Variants in STX3 observed in about 807,000 individuals in gnomAD.
STX3 encodes the protein syntaxin-3.
A neutral mutation model predicts 40.2 loss-of-function variants in STX3; 19 were observed. The ratio of observed to expected loss-of-function variants is 0.47; its 90% confidence interval spans 0.33 to 0.69. The LOEUF is 0.69. Ranked by LOEUF, STX3 falls within the 30% of genes least tolerant of loss-of-function variation. STX3 has a pLI of 0.02. For missense variants in STX3, 364 were observed against 366.7 expected, an observed-to-expected ratio of 0.99 and a Z score of 0.06; for synonymous variants, 122 against 132.2, an observed-to-expected ratio of 0.92 and a Z score of 0.53.
intron 5 of STX3, among the ~76,000 whole-genome samples, chr11:59,790,932 G>A (rs1409922348): frequency 3.3e-5 from 5 of 152,122 alleles, no homozygotes; most frequent in Admixed American, 6.5e-5. Flanking sequence ...GCACTTTAGG[G>A]GTCATCAAAG....
chr11:59,781,356 A>C lies in STX3; in HGVS notation c.115-5681A>C, dbSNP rs552271640. ...GATCCGAGTACAGGTGACATTGTTC[A>C]TGACACACTCCACCACTAATTTCCC... On this transcript the variant is annotated intron_variant, in intron 2 of 10. Transcript: ENST00000337979. 1,291 of 1,593,510 alleles carry C rather than the reference A, an allele frequency of 8.1e-4. 1 individual carries two copies. Among genetic ancestry groups the C allele is most frequent in the Middle Eastern group, 4.8e-3 (25 of 5,206 alleles).
At chr11:59,767,768 TA>T (rs1863349107) in intron 1 of STX3, among the ~76,000 whole-genome samples, 1 of 152,232 alleles carries the variant, frequency 6.6e-6, no homozygotes, top group Non-Finnish European at 1.5e-5. Flanking sequence ...TCTGTGTCAG[TA>T]ACTCATTATT....
Position 59,793,390 on chromosome 11 carries a change from C to T in STX3, c.551C>T (p.Ser184Leu), listed in dbSNP as rs1460257335. ...PAIFTSGIID[S>L]QISKQALSEI... is the part of the protein sequence containing the mutation. ...TGTGGCCTGTTGTAGATCATTGACT[C>T]ACAGATTTCCAAGCAAGCCCTCAGT... The change falls in exon 8 of 11, where the codon TCA becomes TTA. Residue 184 changes from serine (S) to leucine (L), a missense_variant. Transcript: ENST00000337979. 10 of 1,613,724 alleles carry T rather than the reference C, an allele frequency of 6.2e-6. No individual in the cohort carries two copies. Among genetic ancestry groups the T allele is most frequent in the African/African-American group, 1.3e-5 (1 of 74,898 alleles).
At chr11:59,757,780 A>G (rs964317456) in intron 1 of STX3, among the ~76,000 whole-genome samples, 1 of 152,178 alleles carries the variant, frequency 6.6e-6, no homozygotes, top group Non-Finnish European at 1.5e-5. Flanking sequence ...CCTTTATACA[A>G]CAAAGAATTG....
At chr11:59,763,461 A>G (rs1863138117) in intron 1 of STX3, among the ~76,000 whole-genome samples, 1 of 152,198 alleles carries the variant, frequency 6.6e-6, no homozygotes, top group South Asian at 2.1e-4. Context: ...TTGGACTTCA[A>G]TGATTTTTGT....
chr11:59,760,358 C>A (rs72931236), intron 1 of STX3, among the ~76,000 whole-genome samples: 4 of 151,474 alleles, frequency 2.6e-5, no homozygotes, highest in Non-Finnish European at 2.9e-5. Flanking sequence ...AGAATACTCT[C>A]CTCCATTCTT....
chr11:59,801,474 C>T lies in STX3; in HGVS notation c.*650C>T. ...CTTTGATTTTTCTCTGTGTTGTAGT[C>T]TCTCATATTTACTCAAGGAGGGACC... On this transcript the variant is annotated 3_prime_UTR_variant, in exon 11 of 11. Coordinates refer to ENST00000337979, the MANE Select transcript of STX3 (RefSeq NM_004177.5). 4 of 986,092 alleles carry T rather than the reference C, an allele frequency of 4.1e-6. No individual in the cohort carries two copies. Among genetic ancestry groups the T allele is most frequent in the Non-Finnish European group, 4.8e-6 (4 of 830,392 alleles). 61.1% of individuals were successfully genotyped at this position (986,092 alleles called of 1,614,324 possible). A position where few individuals can be genotyped will look rare whatever the true frequency, so the allele number is the denominator to read the frequency against.
chr11:59,771,541 A>G (rs947019160), intron 1 of STX3, among the ~76,000 whole-genome samples: 1 of 152,036 alleles, frequency 6.6e-6, no homozygotes, highest in Non-Finnish European at 1.5e-5. Flanking sequence ...TAACTTTTGC[A>G]TGCGGGAGCC....
At chr11:59,769,850 GTATGTA>G (rs1220254769) in intron 1 of STX3, among the ~76,000 whole-genome samples, 5 of 148,592 alleles carry the variant, frequency 3.4e-5, no homozygotes, top group African/African-American at 5.1e-5. Flanking sequence ...GTGTGTGTGT[GTATGTA>G]TGTGTTTGTG....
chr11:59,795,658 G>A, intron 9 of STX3, 176 bp downstream of exon 9: 1 of 1,537,492 alleles, frequency 6.5e-7, no homozygotes, highest in Non-Finnish European at 8.7e-7. Context: ...GCTTTGTGGA[G>A]CGGGCCGTGG....
intron 6 of STX3, 118 bp from the exon 7 acceptor site, chr11:59,792,981 G>A (rs1865291475): frequency 2.2e-6 from 2 of 901,592 alleles, no homozygotes; most frequent in South Asian, 3.0e-5. Flanking sequence ...GCAATTGGGG[G>A]AGTGTTGTAA....
In STX3 at chr11:59,789,270, A is replaced by G. The variant is rs374902906; in HGVS notation, c.289+323A>G. The G allele has an allele frequency of 1.4e-3, 336 of 241,340 alleles. 3 individuals carry two copies. The highest frequency in any genetic ancestry group is 8.7e-3 in the South Asian group (191 of 22,050). 14.9% of individuals were successfully genotyped at this position (241,340 alleles called of 1,614,324 possible). A position where few individuals can be genotyped will look rare whatever the true frequency, so the allele number is the denominator to read the frequency against. On this transcript the variant is annotated intron_variant, in intron 4 of 10. Transcript: ENST00000337979. ...TTGTCTCTCTTTTTTTTTTTTTGAG[A>G]CGGAGTCTCACTCTGTCCCCCAGGC... is the stretch of plus-strand genomic sequence containing the variant.
chr11:59,798,846 T>A (rs1324276025), intron 10 of STX3, among the ~76,000 whole-genome samples: 1 of 151,184 alleles, frequency 6.6e-6, no homozygotes, highest in Admixed American at 6.6e-5. Context: ...AGCATATCAA[T>A]CTGGTTATTG....
At chr11:59,781,927 A>G (rs1044746529) in intron 2 of STX3, among the ~76,000 whole-genome samples, 1 of 152,220 alleles carries the variant, frequency 6.6e-6, no homozygotes, top group South Asian at 2.1e-4. Context: ...TCACCTCGCA[A>G]TAAGTTTTCA....
rs1332272225 is a variant in STX3, at chr11:59,801,225, T to C, written c.*401T>C. ...GAGTATTCTCCCAGAAACTGCAATGTATTTTTTTAGGGGAGTATCTTTAAC... is the reference window on the plus strand; with the variant it reads ...GAGTATTCTCCCAGAAACTGCAATGCATTTTTTTAGGGGAGTATCTTTAAC... On this transcript the variant is annotated 3_prime_UTR_variant, in exon 11 of 11. Transcript: ENST00000337979. 1.8e-6 allele frequency: 2 copies of C among 1,087,752 alleles called. No individual in the cohort carries two copies. Among genetic ancestry groups the C allele is most frequent in the African/African-American group, 1.6e-5 (1 of 61,102 alleles). 67.4% of individuals were successfully genotyped at this position (1,087,752 alleles called of 1,614,324 possible). A position where few individuals can be genotyped will look rare whatever the true frequency, so the allele number is the denominator to read the frequency against.
In STX3 at chr11:59,790,563, G is replaced by GA; in HGVS notation, c.335dup (p.Asp112GlufsTer25). 1 of 1,614,088 alleles carries GA rather than the reference G, an allele frequency of 6.2e-7. No individual in the cohort carries two copies. The highest frequency in any genetic ancestry group is 8.5e-7 in the Non-Finnish European group (1 of 1,179,952). ...AGAAGATGAGGTCAGGTCATCGGCA[G>GA]ACCTTCGGATTCGGAAATCCCAGGT... On this transcript the variant is annotated frameshift_variant, in exon 5 of 11. Coordinates refer to ENST00000337979, the MANE Select transcript of STX3 (RefSeq NM_004177.5). LOFTEE classifies it high-confidence loss of function.
intron 2 of STX3, among the ~76,000 whole-genome samples, chr11:59,773,977 C>CAAAAAAA (rs5792160): frequency 8.6e-5 from 7 of 81,248 alleles, no homozygotes; most frequent in East Asian, 3.9e-4. Flanking sequence ...CTCACACACA[C>CAAAAAAA]AAAAAAAAAA....
intron 9 of STX3, 41 bp from the exon 10 acceptor site, chr11:59,797,238 GTTGT>G (rs759410862): frequency 6.6e-7 from 1 of 1,516,064 alleles, no homozygotes; most frequent in South Asian, 1.1e-5. Flanking sequence ...TATTTTTTTG[GTTGT>G]TTGTAATAAT....
At chr11:59,785,993 C>T (rs1213160083) in intron 2 of STX3, among the ~76,000 whole-genome samples, 1 of 152,154 alleles carries the variant, frequency 6.6e-6, no homozygotes, top group African/African-American at 2.4e-5. Context: ...GAATGTCTGA[C>T]AGTGGCGTTC....
Sources: gnomAD v4.1 joint callset for allele counts (sites outside exome capture counted in the v4.1 genomes callset) on GRCh38, gnomAD v4.1.1 for gene constraint, MANE v1.5 for transcripts, NCBI Gene and HGNC (gene_info 2026-07-23, HGNC 2026-07-21) for gene names.